LUZP2: variants seen among roughly 807,000 people sequenced by gnomAD.
The protein encoded by LUZP2 is leucine zipper protein 2.
Under a neutral mutation model 51.6 loss-of-function variants are expected in LUZP2, and 52 were observed. The observed-to-expected ratio is 1.01, with a 90% CI of 0.81 to 1.27. The LOEUF (loss-of-function observed/expected upper bound fraction) is 1.27. Ranked by LOEUF, LUZP2 falls within the 50% of genes most tolerant of loss-of-function variation. LUZP2 has a pLI of 0.00. For missense variants in LUZP2, 436 were observed against 395.4 expected (o/e 1.10, Z -0.87); for synonymous variants, 154 against 137.3 (o/e 1.12, Z -0.85).
intron 5 of LUZP2, among the ~76,000 whole-genome samples, chr11:24,847,256 T>C (rs1178402401): frequency 1.3e-5 from 2 of 152,016 alleles, no homozygotes; most frequent in African/African-American, 4.8e-5. Context: ...TCCAATAATA[T>C]ATATATATTT....
At chr11:24,759,719 A>T (rs568761667) in intron 4 of LUZP2, among the ~76,000 whole-genome samples, 1 of 152,284 alleles carries the variant, frequency 6.6e-6, no homozygotes, top group East Asian at 1.9e-4. Flanking sequence ...AGCTAATAAA[A>T]TGCTTGTGTA....
intron 5 of LUZP2, among the ~76,000 whole-genome samples, chr11:24,879,397 A>C (rs1486853918): frequency 2.0e-5 from 3 of 152,140 alleles, no homozygotes; most frequent in Non-Finnish European, 2.9e-5. Flanking sequence ...GTATGTCTTT[A>C]GAGTAGAATG....
intron 1 of LUZP2, among the ~76,000 whole-genome samples, chr11:24,523,794 T>A (rs991400594): frequency 6.6e-6 from 1 of 151,616 alleles, no homozygotes; most frequent in African/African-American, 2.4e-5. Flanking sequence ...TTAATTTTGA[T>A]CCCAACAAAA....
At chr11:24,601,962 G>GTATATATGTA in intron 1 of LUZP2, among the ~76,000 whole-genome samples, 1 of 131,568 alleles carries the variant, frequency 7.6e-6, no homozygotes, top group African/African-American at 3.1e-5. Flanking sequence ...ATGTATATAT[G>GTATATATGTA]TATATATGTG....
In LUZP2 at chr11:24,725,937, C is replaced by T. The variant is rs111966971; in HGVS notation, c.63-3232C>T. 3.6e-3 allele frequency among the ~76,000 whole-genome samples: 544 copies of T among 152,132 alleles called. 3 individuals carry two copies. The highest frequency in any genetic ancestry group is 6.8e-3 in the Middle Eastern group (2 of 294). On this transcript the variant is annotated intron_variant, in intron 1 of 11. Coordinates refer to ENST00000336930, the MANE Select transcript of LUZP2 (RefSeq NM_001009909.4). Reference sequence around the variant, plus strand: ...TGGAGAGACATAAGGAGAAGACAGCCATTTGCAAGCTGATGAGAGAGGCCT... The same window carrying T: ...TGGAGAGACATAAGGAGAAGACAGCTATTTGCAAGCTGATGAGAGAGGCCT...
chr11:24,965,380 C>A (rs1356720000), intron 7 of LUZP2, among the ~76,000 whole-genome samples: 1 of 151,002 alleles, frequency 6.6e-6, no homozygotes, highest in Non-Finnish European at 1.5e-5. Flanking sequence ...CTGCCAAGGG[C>A]CTTGATTCAT....
chr11:24,543,952 T>C (rs968295925), intron 1 of LUZP2, among the ~76,000 whole-genome samples: 1 of 151,822 alleles, frequency 6.6e-6, no homozygotes, highest in Admixed American at 6.6e-5. Flanking sequence ...AGCAGTTCGG[T>C]CATTGTGTAA....
At chr11:24,591,545 A>T (rs1444891391) in intron 1 of LUZP2, among the ~76,000 whole-genome samples, 1 of 152,226 alleles carries the variant, frequency 6.6e-6, no homozygotes, top group Admixed American at 6.5e-5. Flanking sequence ...TGCAGTAAGA[A>T]TAGCCTTTAG....
intron 10 of LUZP2, among the ~76,000 whole-genome samples, chr11:25,061,878 G>T (rs1033108701): frequency 1.1e-4 from 16 of 152,136 alleles, no homozygotes; most frequent in African/African-American, 3.1e-4. Context: ...TCAAGAAAAA[G>T]AATTTGAGTT....
chr11:25,075,153 A>G (rs1289736017), intron 10 of LUZP2, among the ~76,000 whole-genome samples: 1 of 152,210 alleles, frequency 6.6e-6, no homozygotes, highest in Non-Finnish European at 1.5e-5. Context: ...TGAATTATAA[A>G]TCATACAACA....
At chr11:24,715,551 C>G (rs1407935535) in intron 1 of LUZP2, among the ~76,000 whole-genome samples, 1 of 152,066 alleles carries the variant, frequency 6.6e-6, no homozygotes, top group Non-Finnish European at 1.5e-5. Context: ...TCTACATTGT[C>G]ATTACTTATA....
At chr11:24,637,101 C>G (rs1368840795) in intron 1 of LUZP2, among the ~76,000 whole-genome samples, 1 of 151,540 alleles carries the variant, frequency 6.6e-6, no homozygotes, top group Non-Finnish European at 1.5e-5. Context: ...TCTTAAAAAT[C>G]TATAAAACAA....
At chr11:24,989,233 A>T (rs561729898) in intron 9 of LUZP2, among the ~76,000 whole-genome samples, 1 of 152,086 alleles carries the variant, frequency 6.6e-6, no homozygotes, top group African/African-American at 2.4e-5. Flanking sequence ...GTTGCATCAC[A>T]TGCGGGGGAA....
intron 7 of LUZP2, among the ~76,000 whole-genome samples, chr11:24,964,539 A>G (rs966828051): frequency 2.0e-5 from 3 of 152,158 alleles, no homozygotes; most frequent in Non-Finnish European, 2.9e-5. Context: ...GCATATGTAT[A>G]TTGAGCTGAT....
At chr11:24,540,759 C>G (rs1177631179) in intron 1 of LUZP2, among the ~76,000 whole-genome samples, 1 of 152,014 alleles carries the variant, frequency 6.6e-6, no homozygotes, top group Non-Finnish European at 1.5e-5. Context: ...TAAAATTATT[C>G]AGCCACCAGC....
chr11:24,961,384 G>A (rs1360085919), intron 7 of LUZP2, among the ~76,000 whole-genome samples: 1 of 152,144 alleles, frequency 6.6e-6, no homozygotes, highest in Non-Finnish European at 1.5e-5. Context: ...GGGAGTCTAA[G>A]TCTCTTTGTA....
At chr11:24,600,338 C>T (rs1853585396) in intron 1 of LUZP2, among the ~76,000 whole-genome samples, 1 of 152,002 alleles carries the variant, frequency 6.6e-6, no homozygotes, top group Admixed American at 6.6e-5. Flanking sequence ...GGAATGCTGG[C>T]CACCACCACA....
In LUZP2 at chr11:24,966,227, T is replaced by A. The variant is rs190266746; in HGVS notation, c.523-10364T>A. On this transcript the variant is annotated intron_variant, in intron 7 of 11. Transcript: ENST00000336930. ...AAAATGTGGTTGTTTGTATTTTTAA[T>A]TTATTTACTACCTAAGTCTATTTAA... 7.9e-5 allele frequency among the ~76,000 whole-genome samples: 12 copies of A among 151,788 alleles called. No homozygotes were observed. The East Asian group carries it at 2.3e-3, about 29-fold the overall frequency.
chr11:24,895,028 A>G (rs1436656041), intron 5 of LUZP2, among the ~76,000 whole-genome samples: 1 of 152,204 alleles, frequency 6.6e-6, no homozygotes, highest in Non-Finnish European at 1.5e-5. Flanking sequence ...CAAATTTTTT[A>G]TATAGGCAAG....
Sources: gnomAD v4.1 joint callset for allele counts (sites outside exome capture counted in the v4.1 genomes callset) on GRCh38, gnomAD v4.1.1 for gene constraint, MANE v1.5 for transcripts, NCBI Gene and HGNC (gene_info 2026-07-23, HGNC 2026-07-21) for gene names.